The following CIBAR1 variants were observed in gnomAD, a reference collection of about 807,000 sequenced individuals.
CIBAR1 encodes the protein CBY1-interacting BAR domain-containing protein 1.
CIBAR1 carries 25 observed loss-of-function variants against 44.0 expected under a neutral mutation model. That is an observed-to-expected ratio of 0.57 (90% CI 0.41 to 0.79). The LOEUF (loss-of-function observed/expected upper bound fraction) is 0.79, where lower values mean the gene tolerates loss of function less well. Ranked by LOEUF, CIBAR1 falls within the 30% of genes least tolerant of loss-of-function variation. The pLI is 0.00. For missense variants in CIBAR1, 278 were observed against 344.8 expected (o/e 0.81, Z 1.53); for synonymous variants, 115 against 119.0 (o/e 0.97, Z 0.22).
intron 7 of CIBAR1, among the ~76,000 whole-genome samples, chr8:93,724,301 C>A (rs1228381221): frequency 6.6e-6 from 1 of 152,120 alleles, no homozygotes; most frequent in Non-Finnish European, 1.5e-5. Context: ...AGAAGTGCCT[C>A]AGGTGAGAAA....
chr8:93,724,401 C>T (rs1222164810), intron 7 of CIBAR1: 2 of 395,274 alleles, frequency 5.1e-6, no homozygotes, highest in Non-Finnish European at 5.1e-6. Context: ...TCACAGCTCA[C>T]TGCAGCCTTG....
At chr8:93,710,394 T>C (rs1390694522) in intron 6 of CIBAR1, among the ~76,000 whole-genome samples, 1 of 152,040 alleles carries the variant, frequency 6.6e-6, no homozygotes, top group Non-Finnish European at 1.5e-5. Flanking sequence ...AGACCAACAT[T>C]TCCAACCAGA....
At chr8:93,721,932 C>A (rs1434684287) in intron 7 of CIBAR1, among the ~76,000 whole-genome samples, 2 of 152,024 alleles carry the variant, frequency 1.3e-5, no homozygotes, top group Admixed American at 6.6e-5. Flanking sequence ...CAAAAACTTT[C>A]AGGTAGAGGG....
intron 6 of CIBAR1, among the ~76,000 whole-genome samples, chr8:93,714,224 A>G (rs922167373): frequency 2.0e-5 from 3 of 152,166 alleles, no homozygotes; most frequent in Non-Finnish European, 2.9e-5. Flanking sequence ...TCTTGTTGCT[A>G]TCGTAAATGG....
chr8:93,715,635 T>TA (rs1479856211), intron 6 of CIBAR1: 28 of 152,324 alleles, frequency 1.8e-4, no homozygotes, highest in Admixed American at 4.6e-4. Flanking sequence ...ATGAGGAAGG[T>TA]ACTATTTTTA....
intron 4 of CIBAR1, chr8:93,705,690 G>C (rs946369968): frequency 5.2e-5 from 8 of 152,492 alleles, no homozygotes; most frequent in African/African-American, 1.9e-4. Flanking sequence ...GTTGGCTCGT[G>C]CCTGTAATTC....
chr8:93,724,810 T>C (rs1442323201), intron 7 of CIBAR1, among the ~76,000 whole-genome samples: 1 of 152,196 alleles, frequency 6.6e-6, no homozygotes, highest in Non-Finnish European at 1.5e-5. Context: ...AGTGGCTACG[T>C]TTCTGTACAG....
Position 93,728,456 on chromosome 8 carries a change from T to A in CIBAR1, c.*159T>A, listed in dbSNP as rs1811643778. The A allele has an allele frequency of 2.0e-6, 1 of 505,234 alleles. No homozygotes were observed. Among genetic ancestry groups the A allele is most frequent in the Non-Finnish European group, 3.5e-6 (1 of 285,690 alleles). 31.3% of individuals were successfully genotyped at this position (505,234 alleles called of 1,614,324 possible). ...TTATGCTGACCAAAAATGAAGGCTTTAAAAAATATTGCATACCAGTCATTT... is the reference window on the plus strand; with the variant it reads ...TTATGCTGACCAAAAATGAAGGCTTAAAAAAATATTGCATACCAGTCATTT... On this transcript the variant is annotated 3_prime_UTR_variant, in exon 9 of 9. Transcript: ENST00000518322.
At chr8:93,720,486 A>AT (rs1349118948) in intron 7 of CIBAR1, among the ~76,000 whole-genome samples, 1 of 152,182 alleles carries the variant, frequency 6.6e-6, no homozygotes, top group East Asian at 1.9e-4. Flanking sequence ...ATATTTCTCT[A>AT]TTTGTCAATC....
chr8:93,709,867 G>A lies in CIBAR1; in HGVS notation c.535G>A (p.Asp179Asn), dbSNP rs1563642681. The change falls in exon 6 of 9, where the codon GAT becomes AAT. Residue 179 changes from aspartate to asparagine, a missense_variant. Physicochemically the swap from Asp to Asn is conservative, Grantham distance 23. Coordinates refer to ENST00000518322, the MANE Select transcript of CIBAR1 (RefSeq NM_145269.5). The part of the protein sequence containing the change: ...INNFERQKMK[D>N]IKTIFSEFIT... The stretch of plus-strand genomic sequence containing the variant: ...CAACTTTGAAAGGCAGAAAATGAAG[G>A]ATATAAAGGTAATAAAGTAACTGTT... The A allele has an allele frequency of 1.2e-6, 2 of 1,607,578 alleles. No homozygotes were observed. Among genetic ancestry groups the A allele is most frequent in the African/African-American group, 1.3e-5 (1 of 74,866 alleles).
chr8:93,711,960 G>T (rs1810840146), intron 6 of CIBAR1, among the ~76,000 whole-genome samples: 1 of 152,182 alleles, frequency 6.6e-6, no homozygotes, highest in African/African-American at 2.4e-5. Context: ...GTGCTGTATG[G>T]TGGAGGGTGC....
intron 6 of CIBAR1, among the ~76,000 whole-genome samples, chr8:93,714,347 T>C (rs1417201223): frequency 6.6e-6 from 1 of 152,234 alleles, no homozygotes; most frequent in East Asian, 1.9e-4. Context: ...TTAGTTCTAA[T>C]AGTTTTTTAG....
intron 2 of CIBAR1, chr8:93,701,713 G>A (rs888228213): frequency 6.3e-6 from 3 of 478,060 alleles, no homozygotes; most frequent in African/African-American, 3.9e-5. Context: ...TTTTGGCCAA[G>A]GGGTGGCTGT....
intron 1 of CIBAR1, 71 bp from the exon 2 acceptor site, chr8:93,701,153 A>G (rs1810334878): frequency 1.3e-6 from 2 of 1,542,384 alleles, no homozygotes; most frequent in Non-Finnish European, 1.8e-6. Context: ...GAATGTTTGC[A>G]TGTTAAATTA....
chr8:93,702,409 A>G (rs1217375659), intron 2 of CIBAR1: 1 of 397,060 alleles, frequency 2.5e-6, no homozygotes, highest in Non-Finnish European at 5.0e-6. Context: ...TATTTTAGCC[A>G]ATAATTTCAA....
chr8:93,707,419 C>T (rs1232315177), intron 4 of CIBAR1: 1 of 208,986 alleles, frequency 4.8e-6, no homozygotes, highest in Non-Finnish European at 1.0e-5. Context: ...TTAGCCAACT[C>T]TACTTACTCT....
intron 6 of CIBAR1, among the ~76,000 whole-genome samples, chr8:93,712,459 C>T (rs566997602): frequency 1.1e-4 from 17 of 152,250 alleles, no homozygotes; most frequent in African/African-American, 3.4e-4. Context: ...ATGGACATTT[C>T]GGTGGTTTCC....
intron 8 of CIBAR1, chr8:93,726,846 A>G: frequency 2.9e-6 from 1 of 347,680 alleles, no homozygotes; most frequent in Non-Finnish European, 5.5e-6. Flanking sequence ...CACTATCAAA[A>G]CTTAGTGGAT....
rs978751557 is a variant in CIBAR1 at position 93,726,479 on chromosome 8, C to T, written c.743C>T (p.Ser248Leu). The change falls in exon 8 of 9, where the codon TCA (serine) becomes TTA (leucine). Residue 248 changes from serine to leucine, a missense_variant. Physicochemically the swap from Ser to Leu is moderately radical, Grantham distance 145. Transcript: ENST00000518322. ...AATTCAAAGTCACCTCTTCAGAGAT[C>T]ACTGTCAGCTAAGTGTGTATCTGGA... Reference protein sequence around the residue: ...RANSKSPLQRSLSAKCVSGTG... With the variant: ...RANSKSPLQRLLSAKCVSGTG... 3.7e-6 allele frequency: 6 copies of T among 1,613,590 alleles called. No individual in the cohort carries two copies. In the African/African-American group the frequency reaches 8.0e-5, roughly 22 times the overall value.
Sources: gnomAD v4.1 joint callset for allele counts (sites outside exome capture counted in the v4.1 genomes callset) on GRCh38, gnomAD v4.1.1 for gene constraint, MANE v1.5 for transcripts, NCBI Gene and HGNC (gene_info 2026-07-23, HGNC 2026-07-21) for gene names.